The following IL1R2 variants were observed in gnomAD, a reference collection of about 807,000 sequenced individuals.
IL1R2 encodes the protein interleukin 1 receptor type 2.
Under a neutral mutation model 39.5 loss-of-function variants are expected in IL1R2, and 46 were observed. That is an observed-to-expected ratio of 1.16 (90% CI 0.92 to 1.49). IL1R2 has a LOEUF of 1.49. Ranked by LOEUF, IL1R2 falls within the 40% of genes most tolerant of loss-of-function variation. IL1R2 has a pLI of 0.00. For synonymous variants in IL1R2, 207 were observed against 189.6 expected, an observed-to-expected ratio of 1.09 and a Z score of -0.75; for missense variants, 537 against 502.0, an observed-to-expected ratio of 1.07 and a Z score of -0.67.
intron 1 of IL1R2, among the ~76,000 whole-genome samples, chr2:101,994,070 T>C (rs1323571578): frequency 6.6e-6 from 1 of 152,224 alleles, no homozygotes; most frequent in Admixed American, 6.5e-5. Context: ...GTGCCTTTCT[T>C]CTAACCTCAT....
At chr2:102,000,358 G>A (rs1038880285) in intron 1 of IL1R2, among the ~76,000 whole-genome samples, 1 of 152,180 alleles carries the variant, frequency 6.6e-6, no homozygotes, top group African/African-American at 2.4e-5. Context: ...GCTGCTGGCA[G>A]GAAGGAAGGC....
At chr2:102,021,203 T>G (rs749152735) in intron 5 of IL1R2, among the ~76,000 whole-genome samples, 1 of 151,936 alleles carries the variant, frequency 6.6e-6, no homozygotes, top group Non-Finnish European at 1.5e-5. Context: ...TTCGTGGAAG[T>G]GAGGATGATG....
At chr2:102,020,159 A>T (rs991639591) in intron 5 of IL1R2, among the ~76,000 whole-genome samples, 5 of 152,342 alleles carry the variant, frequency 3.3e-5, no homozygotes, top group Admixed American at 3.3e-4. Context: ...AGAGGTCACC[A>T]CATGCTGTAA....
At chr2:102,022,099 C>T (rs1677435073) in intron 5 of IL1R2, 88 bp from the exon 6 acceptor site, 1 of 1,084,610 alleles carries the variant, frequency 9.2e-7, no homozygotes, top group Admixed American at 1.7e-5. Context: ...GAAAGGATAA[C>T]TTAGTTGATT....
chr2:102,000,211 CT>C (rs1158468670), intron 1 of IL1R2, among the ~76,000 whole-genome samples: 1 of 152,196 alleles, frequency 6.6e-6, no homozygotes, highest in African/African-American at 2.4e-5. Context: ...TTGTTGAACA[CT>C]TTCTTTTTGC....
intron 3 of IL1R2, among the ~76,000 whole-genome samples, chr2:102,014,757 T>C (rs937657846): frequency 1.3e-5 from 2 of 151,936 alleles, no homozygotes; most frequent in Admixed American, 1.3e-4. Flanking sequence ...GTCTCATGTG[T>C]TTTAGGTAGC....
intron 1 of IL1R2, among the ~76,000 whole-genome samples, chr2:102,004,523 A>C (rs928796541): frequency 1.3e-5 from 2 of 151,916 alleles, no homozygotes; most frequent in Non-Finnish European, 2.9e-5. Flanking sequence ...TAGAATTCTA[A>C]CTCAAATACT....
intron 3 of IL1R2, chr2:102,010,135 C>G (rs1676530943): frequency 2.6e-6 from 1 of 383,304 alleles, no homozygotes; most frequent in Non-Finnish European, 4.8e-6. Context: ...CCATCTGACA[C>G]ATTTGTGTGC....
intron 3 of IL1R2, among the ~76,000 whole-genome samples, chr2:102,013,558 G>GAAAAAAAAAAAAAAAAAAAAAA (rs1676788000): frequency 3.0e-5 from 1 of 33,744 alleles, no homozygotes; most frequent in Non-Finnish European, 5.5e-5. Context: ...AAAAAGGAAA[G>GAAAAAAAAAAAAAAAAAAAAAA]AAAGAAAAGA....
chr2:102,023,525 T>A (rs1374304806), intron 6 of IL1R2: 1 of 152,052 alleles, frequency 6.6e-6, no homozygotes, highest in African/African-American at 2.4e-5. Flanking sequence ...AGGAGTGGCA[T>A]AGGATGGAGA....
At chr2:102,019,470 C>T (rs967404984) in intron 4 of IL1R2, among the ~76,000 whole-genome samples, 168 bp from the exon 5 acceptor site, 1 of 152,074 alleles carries the variant, frequency 6.6e-6, no homozygotes, top group African/African-American at 2.4e-5. Context: ...AAATTCCTTC[C>T]CCTAATAATA....
intron 6 of IL1R2, among the ~76,000 whole-genome samples, chr2:102,022,769 C>T (rs1677482254): frequency 6.6e-6 from 1 of 152,212 alleles, no homozygotes; most frequent in Non-Finnish European, 1.5e-5. Context: ...GCTTTTCACT[C>T]CATGTGGTAC....
At chr2:102,012,506 G>A (rs979706138) in intron 3 of IL1R2, among the ~76,000 whole-genome samples, 2 of 151,910 alleles carry the variant, frequency 1.3e-5, no homozygotes, top group African/African-American at 4.8e-5. Flanking sequence ...TATGTGGGGG[G>A]TGGGAGGAGA....
chr2:102,012,075 G>T (rs570639148), intron 3 of IL1R2, among the ~76,000 whole-genome samples: 1 of 152,314 alleles, frequency 6.6e-6, no homozygotes, highest in Non-Finnish European at 1.5e-5. Context: ...TAGTGTTGGT[G>T]ATCTTAAAAA....
rs1461007971 is a variant in IL1R2 at position 102,008,542 on chromosome 2, C to T, written c.-34C>T. 2 of 1,580,972 alleles carry T rather than the reference C, an allele frequency of 1.3e-6. No homozygotes were observed. The highest frequency in any genetic ancestry group is 8.7e-7 in the Non-Finnish European group (1 of 1,150,214). Reference sequence around the variant, plus strand: ...CACGTGCTGCTGGGTCTCAGTCCTCCACTTCCCGTGTCCTCTGGAAGTTGT... The same window carrying T: ...CACGTGCTGCTGGGTCTCAGTCCTCTACTTCCCGTGTCCTCTGGAAGTTGT... On this transcript the variant is annotated 5_prime_UTR_variant, in exon 2 of 9. Coordinates refer to ENST00000332549, the MANE Select transcript of IL1R2 (RefSeq NM_004633.4).
intron 3 of IL1R2, among the ~76,000 whole-genome samples, chr2:102,015,206 G>A (rs1207719662): frequency 2.0e-5 from 3 of 152,160 alleles, no homozygotes; most frequent in Non-Finnish European, 4.4e-5. Flanking sequence ...TGGAGTATGC[G>A]GGGGCTGGGC....
intron 1 of IL1R2, among the ~76,000 whole-genome samples, chr2:102,004,751 C>T (rs1040945616): frequency 1.3e-5 from 2 of 152,206 alleles, no homozygotes; most frequent in Admixed American, 6.5e-5. Flanking sequence ...TGGTTCCAAC[C>T]TTTTTCTGAG....
At chr2:102,014,739 C>A (rs3218892) in intron 3 of IL1R2, among the ~76,000 whole-genome samples, 24,115 of 151,582 alleles carry the variant, frequency 0.16, 2,216 homozygotes, top group East Asian at 0.29. Flanking sequence ...CTTATTGTCT[C>A]TGTCAAAGTC....
At chr2:101,992,159 G>C (rs977194424) in intron 1 of IL1R2, 148 bp downstream of exon 1, 1 of 152,212 alleles carries the variant, frequency 6.6e-6, no homozygotes, top group African/African-American at 2.4e-5. Flanking sequence ...GAGAGGCAGG[G>C]GGGAAGGCAG....
Sources: gnomAD v4.1 joint callset for allele counts (sites outside exome capture counted in the v4.1 genomes callset) on GRCh38, gnomAD v4.1.1 for gene constraint, MANE v1.5 for transcripts, NCBI Gene and HGNC (gene_info 2026-07-23, HGNC 2026-07-21) for gene names.